OSBPL6: variants seen among roughly 807,000 people sequenced by gnomAD.
The protein encoded by OSBPL6 is oxysterol-binding protein-related protein 6.
In OSBPL6, 49 loss-of-function variants were observed where a neutral mutation model predicts 125.8. That is an observed-to-expected ratio of 0.39 (90% CI 0.31 to 0.49). OSBPL6 has a LOEUF of 0.49. OSBPL6 is among the 20% of genes least tolerant of loss of function. The pLI is 0.88. For missense variants in OSBPL6, 986 were observed against 1,135.4 expected, an observed-to-expected ratio of 0.87 and a Z score of 1.89; for synonymous variants, 394 against 391.8, an observed-to-expected ratio of 1.01 and a Z score of -0.07.
In OSBPL6 at chr2:178,306,253, C is replaced by G. The variant is rs1686749689; in HGVS notation, c.69C>G (p.Ser23=). 6.2e-7 allele frequency: 1 copy of G among 1,613,596 alleles called. No individual in the cohort carries two copies. Among genetic ancestry groups the G allele is most frequent in the Admixed American group, 1.7e-5 (1 of 60,004 alleles). The change falls in exon 3 of 25, where the codon TCC becomes TCG. Residue 23 remains serine, a synonymous_variant. Transcript: ENST00000190611. ...CCACTCCAACCCATAGAAGTGCCTC[C>G]TCTTCAACATCCTCCCAAAGGGACA... ...KTSTPTHRSA[S]SSTSSQRDSR...
At chr2:178,245,103 G>C (rs1453557207) in intron 1 of OSBPL6, among the ~76,000 whole-genome samples, 1 of 152,168 alleles carries the variant, frequency 6.6e-6, no homozygotes, top group Admixed American at 6.5e-5. Flanking sequence ...CAGAACTCAA[G>C]CGTGTCTTTC....
chr2:178,320,504 G>T, intron 3 of OSBPL6: 1 of 1,239,488 alleles, frequency 8.1e-7, no homozygotes, highest in Non-Finnish European at 1.2e-6. Flanking sequence ...GATTTTAGAA[G>T]AATAATTAAC....
chr2:178,382,834 A>C lies in OSBPL6; in HGVS notation c.1622-190A>C. ...GAGTGTATCTAATGCCTTATTTATA[A>C]AACTATACACTGTTGTTTTCTGCAT... is the stretch of plus-strand genomic sequence containing the variant. On this transcript the variant is annotated intron_variant, in intron 16 of 24. Transcript: ENST00000190611. The C allele has an allele frequency of 2.2e-6, 3 of 1,393,096 alleles. No homozygotes were observed. In the African/African-American group the frequency reaches 4.4e-5, roughly 20 times the overall value. 86.3% of individuals were successfully genotyped at this position (1,393,096 alleles called of 1,614,324 possible).
intron 19 of OSBPL6, among the ~76,000 whole-genome samples, chr2:178,386,783 C>A (rs1337673837): frequency 6.6e-6 from 1 of 151,990 alleles, no homozygotes; most frequent in African/African-American, 2.4e-5. Context: ...TCTCCCAGCT[C>A]TGTTAGTTGA....
intron 1 of OSBPL6, among the ~76,000 whole-genome samples, chr2:178,223,248 T>C (rs1334266252): frequency 6.6e-6 from 1 of 152,262 alleles, no homozygotes; most frequent in African/African-American, 2.4e-5. Flanking sequence ...GCATCTCTAT[T>C]ATTCAGATAG....
At position 178,254,989 on chromosome 2, in the gene OSBPL6, T is replaced by A. The variant is rs552556179; in HGVS notation, c.-350-29938T>A. 8.5e-5 allele frequency among the ~76,000 whole-genome samples: 13 copies of A among 152,258 alleles called. No homozygotes were observed. In the South Asian group the frequency reaches 2.5e-3, roughly 29 times the overall value. On this transcript the variant is annotated intron_variant, in intron 1 of 24. Transcript: ENST00000190611. Reference sequence around the variant, plus strand: ...AAGGTGATTGAGCAGCAAAGTCACGTCTTACAGGGTGGCAGGCAAGAGAGG... The same window carrying A: ...AAGGTGATTGAGCAGCAAAGTCACGACTTACAGGGTGGCAGGCAAGAGAGG...
chr2:178,308,701 T>G (rs947899650), intron 3 of OSBPL6, among the ~76,000 whole-genome samples: 2 of 152,124 alleles, frequency 1.3e-5, no homozygotes, highest in African/African-American at 4.8e-5. Context: ...AGATCCAGGG[T>G]CAATGTCTGT....
intron 1 of OSBPL6, among the ~76,000 whole-genome samples, chr2:178,220,113 T>A (rs781405820): frequency 6.6e-6 from 1 of 152,200 alleles, no homozygotes; most frequent in Admixed American, 6.5e-5. Context: ...ATAACTACTA[T>A]GTGCTGATAG....
intron 1 of OSBPL6, among the ~76,000 whole-genome samples, chr2:178,222,681 T>G (rs1000486173): frequency 1.1e-4 from 16 of 152,114 alleles, no homozygotes; most frequent in Non-Finnish European, 2.2e-4. Context: ...AATCTTGGTA[T>G]GCATAAAAAT....
At chr2:178,262,089 G>GT (rs5836649) in intron 1 of OSBPL6, among the ~76,000 whole-genome samples, 99,090 of 152,032 alleles carry the variant, frequency 0.65, 34,307 homozygotes, top group African/African-American at 0.9. Flanking sequence ...GGATATATGT[G>GT]TCATGCACAG....
In OSBPL6 at chr2:178,194,515, G is replaced by A. The variant is rs536693397; in HGVS notation, c.-510G>A. Reference sequence around the variant, plus strand: ...CAGCACGGTCGCCGCCGCCGCTGTCGGTGCTGGAGATCGCGGCTCGGTGCA... The same window carrying A: ...CAGCACGGTCGCCGCCGCCGCTGTCAGTGCTGGAGATCGCGGCTCGGTGCA... On this transcript the variant is annotated 5_prime_UTR_variant, in exon 1 of 25. Coordinates refer to ENST00000190611, the MANE Select transcript of OSBPL6 (RefSeq NM_032523.4). 8 of 152,162 alleles carry A rather than the reference G, an allele frequency of 5.3e-5. No individual in the cohort carries two copies. The East Asian group carries it at 5.8e-4, about 11-fold the overall frequency. The allele number at this position is 152,162 out of a possible 1,614,324, so 9.4% of individuals were successfully genotyped here.
chr2:178,382,811 G>A, intron 16 of OSBPL6: 1 of 1,400,782 alleles, frequency 7.1e-7, no homozygotes, highest in Non-Finnish European at 9.3e-7. Context: ...TGATATTTGA[G>A]TGTATCTAAT....
chr2:178,209,016 A>C (rs2089701378), intron 1 of OSBPL6, among the ~76,000 whole-genome samples: 1 of 152,198 alleles, frequency 6.6e-6, no homozygotes, highest in South Asian at 2.1e-4. Flanking sequence ...TACTGTTAAG[A>C]AGACCAAAGC....
intron 12 of OSBPL6, among the ~76,000 whole-genome samples, chr2:178,351,535 C>T (rs1310341196): frequency 6.6e-6 from 1 of 151,930 alleles, no homozygotes; most frequent in African/African-American, 2.4e-5. Flanking sequence ...AGTTGAAAGA[C>T]CTGTACACTG....
intron 1 of OSBPL6, among the ~76,000 whole-genome samples, chr2:178,234,001 ATAATT>A (rs1302949470): frequency 6.6e-6 from 1 of 152,208 alleles, no homozygotes; most frequent in Non-Finnish European, 1.5e-5. Flanking sequence ...CAAGAGTTGA[ATAATT>A]TACTTTATTC....
rs957009769 is a variant in OSBPL6, at chr2:178,223,931, A to T, written c.-351+29257A>T. Reference sequence around the variant, plus strand: ...CAGGGTTGGCTAGTGTGACCTTCACATCAGGCTGCGGAAAACACACTTGCC... The same window carrying T: ...CAGGGTTGGCTAGTGTGACCTTCACTTCAGGCTGCGGAAAACACACTTGCC... On this transcript the variant is annotated intron_variant, in intron 1 of 24. Transcript: ENST00000190611. 4.6e-5 allele frequency among the ~76,000 whole-genome samples: 7 copies of T among 152,356 alleles called. No homozygotes were observed. The East Asian group carries it at 9.6e-4, about 21-fold the overall frequency.
chr2:178,308,241 T>C (rs1227419978), intron 3 of OSBPL6, among the ~76,000 whole-genome samples: 2 of 152,256 alleles, frequency 1.3e-5, no homozygotes, highest in Non-Finnish European at 2.9e-5. Context: ...GTTCTGTTTT[T>C]CCTTCCTTAT....
intron 11 of OSBPL6, 118 bp downstream of exon 11, chr2:178,339,882 C>T: frequency 1.8e-6 from 1 of 564,468 alleles, no homozygotes; most frequent in Non-Finnish European, 2.9e-6. Flanking sequence ...AAAGCCAGCA[C>T]TTTTCAAACT....
chr2:178,376,029 G>T lies in OSBPL6; in HGVS notation c.1533+2002G>T, dbSNP rs1693845640. ...AAGAAGGTGGAGGGCAGGGTCGCAG[G>T]GAGATGAGACATTCACTGTGAGGCA... On this transcript the variant is annotated intron_variant, in intron 15 of 24. Coordinates refer to ENST00000190611, the MANE Select transcript of OSBPL6 (RefSeq NM_032523.4). Among the ~76,000 whole-genome samples, 2 of 152,126 alleles carry T rather than the reference G, an allele frequency of 1.3e-5. 1 individual carries two copies. The highest frequency in any genetic ancestry group is 4.8e-5 in the African/African-American group (2 of 41,422).
Sources: allele counts gnomAD v4.1 joint callset (sites outside exome capture counted in the v4.1 genomes callset), GRCh38; gene constraint gnomAD v4.1.1; transcripts MANE v1.5; gene names NCBI Gene and HGNC (gene_info 2026-07-23, HGNC 2026-07-21).